The following RHOT1 variants were observed in gnomAD, a reference collection of about 807,000 sequenced individuals.
RHOT1 encodes the protein mitochondrial Rho GTPase 1.
RHOT1 carries 27 observed loss-of-function variants against 95.3 expected under a neutral mutation model. The observed-to-expected ratio is 0.28, with a 90% CI of 0.21 to 0.39. The LOEUF is 0.39. Among genes scored for constraint, RHOT1 ranks in the 10% least tolerant of loss-of-function variants. The pLI is 1.00. For missense variants in RHOT1, 578 were observed against 786.7 expected (o/e 0.73, Z 3.17); for synonymous variants, 227 against 263.5 (o/e 0.86, Z 1.34).
intron 19 of RHOT1, among the ~76,000 whole-genome samples, chr17:32,211,915 A>G (rs2038160712): frequency 6.6e-6 from 1 of 152,050 alleles, no homozygotes; most frequent in Admixed American, 6.6e-5. Context: ...AAGAAAGAGA[A>G]AAAAAAAGGA....
intron 19 of RHOT1, chr17:32,211,447 TATAAA>T: frequency 2.8e-6 from 1 of 360,350 alleles, no homozygotes; most frequent in Non-Finnish European, 4.9e-6. Flanking sequence ...TTTAGAGGAC[TATAAA>T]ATAAGATTTT....
At chr17:32,171,561 A>G (rs2034579367) in intron 2 of RHOT1, among the ~76,000 whole-genome samples, 1 of 152,190 alleles carries the variant, frequency 6.6e-6, no homozygotes, top group Non-Finnish European at 1.5e-5. Flanking sequence ...TATAAAATGG[A>G]AGCTGAAAGG....
chr17:32,214,201 C>T (rs757322466), intron 19 of RHOT1, among the ~76,000 whole-genome samples: 8 of 152,000 alleles, frequency 5.3e-5, no homozygotes, highest in Non-Finnish European at 8.8e-5. Context: ...CCACAGGTCC[C>T]GGATGGATAC....
At chr17:32,220,060 G>A (rs906406678) in intron 19 of RHOT1, among the ~76,000 whole-genome samples, 3 of 152,164 alleles carry the variant, frequency 2.0e-5, no homozygotes, top group African/African-American at 7.2e-5. Context: ...TAGAAAGATA[G>A]TCTTTTTTTT....
At position 32,154,503 on chromosome 17, in the gene RHOT1, T is replaced by C. The variant is rs188040997; in HGVS notation, c.37+11774T>C. 1.4e-3 allele frequency among the ~76,000 whole-genome samples: 186 copies of C among 137,716 alleles called. 2 individuals are homozygous for C. The highest frequency in any genetic ancestry group is 4.9e-3 in the African/African-American group (176 of 36,280). 90.3% of individuals were successfully genotyped at this position (137,716 alleles called of 152,430 possible). On this transcript the variant is annotated intron_variant, in intron 1 of 19. Transcript: ENST00000545287. ...TCGGGAGGCTGAGGCAGGAGAATGG[T>C]GTGACCCTGGGAGGCAGAGCTTACG...
At chr17:32,165,075 T>C (rs2033933782) in intron 1 of RHOT1, among the ~76,000 whole-genome samples, 1 of 151,814 alleles carries the variant, frequency 6.6e-6, no homozygotes, top group African/African-American at 2.4e-5. Context: ...GCGTGGTGGC[T>C]TACGCCTGTA....
At chr17:32,172,623 A>G (rs1466804965) in intron 2 of RHOT1, among the ~76,000 whole-genome samples, 2 of 152,228 alleles carry the variant, frequency 1.3e-5, no homozygotes, top group African/African-American at 4.8e-5. Flanking sequence ...ACTTGAGGTC[A>G]GGAGTTCAAG....
At chr17:32,196,269 T>G (rs1335091478) in intron 11 of RHOT1, among the ~76,000 whole-genome samples, 1 of 151,594 alleles carries the variant, frequency 6.6e-6, no homozygotes, top group East Asian at 1.9e-4. Flanking sequence ...CAGCTCACTG[T>G]GGCCTCGGCC....
chr17:32,151,591 A>G (rs1028594256), intron 1 of RHOT1: 5 of 320,218 alleles, frequency 1.6e-5, no homozygotes, highest in Non-Finnish European at 2.5e-5. Context: ...TTTTAAAAAA[A>G]GGAAATCATG....
At chr17:32,163,030 A>G (rs1598318857) in intron 1 of RHOT1, among the ~76,000 whole-genome samples, 1 of 152,052 alleles carries the variant, frequency 6.6e-6, no homozygotes, top group Non-Finnish European at 1.5e-5. Flanking sequence ...TGAGTGGGGG[A>G]TAGTGGGAAA....
intron 1 of RHOT1, among the ~76,000 whole-genome samples, chr17:32,146,737 A>C (rs2031402603): frequency 7.4e-6 from 1 of 135,414 alleles, no homozygotes; most frequent in South Asian, 2.4e-4. Flanking sequence ...GGATTACAGG[A>C]GTGAGCCACC....
intron 1 of RHOT1, among the ~76,000 whole-genome samples, chr17:32,169,824 G>A (rs1254119661): frequency 6.6e-6 from 1 of 152,028 alleles, no homozygotes; most frequent in Non-Finnish European, 1.5e-5. Flanking sequence ...TGGGCGACAT[G>A]ACGAAACCCT....
In RHOT1 at chr17:32,199,305, A is replaced by C. The variant is rs1598422908; in HGVS notation, c.955-100A>C. 7 of 1,110,392 alleles carry C rather than the reference A, an allele frequency of 6.3e-6. No homozygotes were observed. In the East Asian group the frequency reaches 1.8e-4, roughly 28 times the overall value. The allele number at this position is 1,110,392 out of a possible 1,614,324, so 68.8% of individuals were successfully genotyped here. A position where few individuals can be genotyped will look rare whatever the true frequency, so the allele number is the denominator to read the frequency against. Reference sequence around the variant, plus strand: ...ATGTAAAATTTGTTGTCATTTATTAAGTAGTTTTAAAAAGCATAGCTTTAC... The same window carrying C: ...ATGTAAAATTTGTTGTCATTTATTACGTAGTTTTAAAAAGCATAGCTTTAC... On this transcript the variant is annotated intron_variant, in intron 12 of 19. Transcript: ENST00000545287.
At chr17:32,188,712 C>T (rs1349337944) in intron 8 of RHOT1, among the ~76,000 whole-genome samples, 1 of 152,068 alleles carries the variant, frequency 6.6e-6, no homozygotes, top group Non-Finnish European at 1.5e-5. Flanking sequence ...TGAGTTTTGT[C>T]AAAAAAACTT....
chr17:32,181,293 C>G (rs1275058862), intron 6 of RHOT1, among the ~76,000 whole-genome samples: 1 of 152,182 alleles, frequency 6.6e-6, no homozygotes, highest in Non-Finnish European at 1.5e-5. Flanking sequence ...TCCCTGCCTA[C>G]TCGCTGCCAA....
intron 1 of RHOT1, among the ~76,000 whole-genome samples, chr17:32,158,727 G>T (rs1251208193): frequency 6.6e-6 from 1 of 152,084 alleles, no homozygotes; most frequent in African/African-American, 2.4e-5. Context: ...CAAAGTGCTG[G>T]GATTGCAGGC....
At chr17:32,149,661 G>GTA (rs1202699057) in intron 1 of RHOT1, among the ~76,000 whole-genome samples, 4 of 124,812 alleles carry the variant, frequency 3.2e-5, no homozygotes, top group South Asian at 4.9e-4. Flanking sequence ...GTGTGTGTGT[G>GTA]TATACACACA....
In RHOT1 at chr17:32,211,171, C is replaced by T. The variant is rs1323012523; in HGVS notation, c.1795C>T (p.Gln599Ter). ...TCNRCTFCIC[Q>*]NFLNSDLLQS... ...CAACAGGTGTACATTTTGCATCTGT[C>T]AGAACTTCCTCAACTCAGACTTGCT... Residue 599 changes from glutamine (Q) to a stop codon, truncating the protein, a stop_gained, in exon 19 of 20, where the codon CAG becomes TAG. Coordinates refer to ENST00000545287, the MANE Select transcript of RHOT1 (RefSeq NM_001033566.3). LOFTEE classifies it high-confidence loss of function. The T allele has an allele frequency of 1.2e-6, 2 of 1,612,588 alleles. No homozygotes were observed. Among genetic ancestry groups the T allele is most frequent in the Non-Finnish European group, 1.7e-6 (2 of 1,178,988 alleles).
In RHOT1 at chr17:32,174,821, C is replaced by G. The variant is rs549621795; in HGVS notation, c.179-498C>G. On this transcript the variant is annotated intron_variant, in intron 3 of 19. Transcript: ENST00000545287. ...GCACACCCACCCATTGAGACCAGTT[C>G]TAGCTAAAGATACATGCTAGAGAGG... Among the ~76,000 whole-genome samples, 3 of 152,308 alleles carry G rather than the reference C, an allele frequency of 2.0e-5. No homozygotes were observed. In the South Asian group the frequency reaches 6.2e-4, roughly 32 times the overall value.
Sources: gnomAD v4.1 joint callset for allele counts (sites outside exome capture counted in the v4.1 genomes callset) on GRCh38, gnomAD v4.1.1 for gene constraint, MANE v1.5 for transcripts, NCBI Gene and HGNC (gene_info 2026-07-23, HGNC 2026-07-21) for gene names.